Variants in ELAC2 observed in about 807,000 individuals in gnomAD.
The protein encoded by ELAC2 is zinc phosphodiesterase ELAC protein 2.
In ELAC2, 92 loss-of-function variants were observed where a neutral mutation model predicts 105.2. The ratio of observed to expected loss-of-function variants is 0.87; its 90% CI spans 0.74 to 1.04. The LOEUF (loss-of-function observed/expected upper bound fraction) is 1.04, where lower values mean the gene tolerates loss of function less well. Ranked by LOEUF, ELAC2 falls within the 50% of genes least tolerant of loss-of-function variation. ELAC2 has a pLI of 0.00. For synonymous variants in ELAC2, 468 were observed against 409.1 expected (o/e 1.14, Z -1.74); for missense variants, 1,099 against 1,071.7 (o/e 1.03, Z -0.36).
At chr17:13,011,100 G>A (rs938567609) in intron 7 of ELAC2, among the ~76,000 whole-genome samples, 1 of 152,214 alleles carries the variant, frequency 6.6e-6, no homozygotes, top group Non-Finnish European at 1.5e-5. Context: ...GGGTCAGCCT[G>A]TTCTCAGTCA....
intron 11 of ELAC2, 52 bp downstream of exon 11, chr17:13,004,936 TG>T: frequency 7.3e-7 from 1 of 1,375,670 alleles, no homozygotes; most frequent in East Asian, 2.3e-5. Flanking sequence ...CCCATGTCGA[TG>T]CTGGGCTGGG....
chr17:12,994,383 G>T, intron 22 of ELAC2, 42 bp downstream of exon 22: 1 of 1,606,526 alleles, frequency 6.2e-7, no homozygotes. Flanking sequence ...TAGTGGGGGA[G>T]GGAGAGGATG....
At chr17:13,007,459 G>A (rs2041172272) in intron 8 of ELAC2, among the ~76,000 whole-genome samples, 1 of 152,148 alleles carries the variant, frequency 6.6e-6, no homozygotes, top group African/African-American at 2.4e-5. Context: ...GCTTCAGTGT[G>A]CACATCACAC....
At position 13,002,292 on chromosome 17, in the gene ELAC2, G is replaced by C. The variant is rs1285444804; in HGVS notation, c.1286C>G (p.Pro429Arg). 6.2e-7 allele frequency: 1 copy of C among 1,614,060 alleles called. No individual in the cohort carries two copies. Among genetic ancestry groups the C allele is most frequent in the East Asian group, 2.2e-5 (1 of 44,892 alleles). ...GECLLKYQLR[P>R]RREWQRDAII... ...CACAGACCTCTGCCACTCCCTCCTGGGACGGAGCTGGTACTTGAGGAGGCA... is the reference window on the plus strand; with the variant it reads ...CACAGACCTCTGCCACTCCCTCCTGCGACGGAGCTGGTACTTGAGGAGGCA... Residue 429 changes from proline (P) to arginine (R), a missense_variant, in exon 14 of 24, where the codon CCC (proline) becomes CGC (arginine). By Grantham distance (103) the Pro-to-Arg change is moderately radical. Transcript: ENST00000338034.
chr17:13,006,239 A>G lies in ELAC2; in HGVS notation c.739-260T>C, dbSNP rs370960184. On this transcript the variant is annotated intron_variant, in intron 8 of 23. Coordinates refer to ENST00000338034, the MANE Select transcript of ELAC2 (RefSeq NM_018127.7). ...TACAAAATTGGCCAGGCGTGGTGGCACGTGCCTGTAATCCCAGCAACTCAG... is the reference window on the plus strand; with the variant it reads ...TACAAAATTGGCCAGGCGTGGTGGCGCGTGCCTGTAATCCCAGCAACTCAG... 2.7e-3 allele frequency: 1,180 copies of G among 441,250 alleles called. 19 individuals carry two copies. Among genetic ancestry groups the G allele is most frequent in the South Asian group, 0.024 (1,121 of 46,848 alleles). 27.3% of individuals were successfully genotyped at this position (441,250 alleles called of 1,614,324 possible). A position where few individuals can be genotyped will look rare whatever the true frequency, so the allele number is the denominator to read the frequency against.
At chr17:13,005,138 A>G (rs1479206888) in intron 10 of ELAC2, 37 bp from the exon 11 acceptor site, 2 of 1,459,700 alleles carry the variant, frequency 1.4e-6, no homozygotes, top group African/African-American at 2.8e-5. Context: ...TGGGGGTCAC[A>G]GCTCAGCCAC....
intron 8 of ELAC2, among the ~76,000 whole-genome samples, chr17:13,007,073 T>C (rs932636607): frequency 6.7e-6 from 1 of 150,022 alleles, no homozygotes; most frequent in Non-Finnish European, 1.5e-5. Context: ...ATCGTGCCAC[T>C]GCACTCCAGC....
At chr17:13,014,327 A>T in intron 5 of ELAC2, 112 bp downstream of exon 5, 1 of 759,064 alleles carries the variant, frequency 1.3e-6, no homozygotes, top group Non-Finnish European at 2.3e-6. Context: ...CGTGGTGATG[A>T]AGCATTTGAT....
At chr17:13,006,381 T>A (rs9901405) in intron 8 of ELAC2, 178 of 225,568 alleles carry the variant, frequency 7.9e-4, no homozygotes, top group African/African-American at 2.6e-3. Context: ...AAAAAAAAAA[T>A]AAAAAATAAA....
At chr17:13,017,242 A>C in intron 1 of ELAC2, 121 bp from the exon 2 acceptor site, 2 of 1,076,982 alleles carry the variant, frequency 1.9e-6, no homozygotes, top group South Asian at 2.7e-5. Flanking sequence ...TTAAAAGTCC[A>C]CGTTGGACTA....
rs1168520408 is a variant in ELAC2, at chr17:12,992,825, G to A, written c.2474C>T (p.Ala825Val). Residue 825 changes from alanine to valine, a missense_variant, in exon 24 of 24, where the codon GCC becomes GTC. Ala to Val is a moderately conservative substitution (Grantham distance 64). Transcript: ENST00000338034. The part of the protein sequence containing the change: ...TEEPQAKKVR[A>V]Q ...TCAGGGTCTCCCAGATCTTCACTGG[G>A]CTCTGACCTTCTTGGCCTGTGGCTC... is the stretch of plus-strand genomic sequence containing the variant. The A allele has an allele frequency of 6.2e-7, 1 of 1,611,414 alleles. No individual in the cohort carries two copies. The highest frequency in any genetic ancestry group is 2.2e-5 in the East Asian group (1 of 44,848).
At position 12,993,041 on chromosome 17, in the gene ELAC2, C is replaced by G. The variant is rs1463121565; in HGVS notation, c.2258G>C (p.Cys753Ser). The G allele has an allele frequency of 6.2e-7, 1 of 1,602,286 alleles. No individual in the cohort carries two copies. The highest frequency in any genetic ancestry group is 8.5e-7 in the Non-Finnish European group (1 of 1,179,196). ...VGVAFDHMKVCFGDFPTMPKL... is the reference protein window; with the variant it reads ...VGVAFDHMKVSFGDFPTMPKL... Reference sequence around the variant, plus strand: ...GGGCATTGTTGGAAAGTCTCCAAAGCAGACCTAGAAGACACAATAGAAGAC... The same window carrying G: ...GGGCATTGTTGGAAAGTCTCCAAAGGAGACCTAGAAGACACAATAGAAGAC... The change falls in exon 24 of 24, where the codon TGC (cysteine) becomes TCC (serine). Residue 753 changes from cysteine to serine, a missense_variant. Cys to Ser is a moderately radical substitution (Grantham distance 112, BLOSUM62 -1). Coordinates refer to ENST00000338034, the MANE Select transcript of ELAC2 (RefSeq NM_018127.7).
chr17:13,016,551 G>A (rs117393962), intron 3 of ELAC2, among the ~76,000 whole-genome samples: 15,587 of 151,922 alleles, frequency 0.1, 1,018 homozygotes, highest in Non-Finnish European at 0.14. Context: ...CTGGGAGGCC[G>A]AGACAGGAGG....
At chr17:12,996,933 G>C (rs1191451808) in intron 16 of ELAC2, among the ~76,000 whole-genome samples, 4 of 146,548 alleles carry the variant, frequency 2.7e-5, no homozygotes, top group African/African-American at 1.0e-4. Context: ...TTACACAAAG[G>C]CTGGGCATCA....
intron 11 of ELAC2, 165 bp from the exon 12 acceptor site, chr17:13,003,739 C>A (rs1012499194): frequency 1.5e-6 from 1 of 652,350 alleles, no homozygotes; most frequent in Middle Eastern, 3.3e-4. Flanking sequence ...TCACGGCAGA[C>A]CCCGGTGCTG....
chr17:13,003,675 A>T (rs2040950683), intron 11 of ELAC2, 101 bp from the exon 12 acceptor site: 2 of 1,031,736 alleles, frequency 1.9e-6, no homozygotes, highest in Admixed American at 1.9e-5. Context: ...CCTCTGCAGC[A>T]CTGCAGTGAG....
Position 12,994,469 on chromosome 17 carries a change from G to A in ELAC2, c.2064C>T (p.Thr688=), listed in dbSNP as rs138254982. The change falls in exon 22 of 24, where the codon ACC becomes ACT. Residue 688 remains threonine (T), a synonymous_variant. Transcript: ENST00000338034. ...CTTCCTCTTCCAAACCATCTTCCAG[G>A]GTGGCTTCATGTATCAGGAGGGTGG... ...KDATLLIHEA[T]LEDGLEEEAV... The A allele has an allele frequency of 6.2e-7, 1 of 1,614,052 alleles. No individual in the cohort carries two copies. Among genetic ancestry groups the A allele is most frequent in the African/African-American group, 1.3e-5 (1 of 74,900 alleles).
chr17:13,008,924 C>T (rs1038144672), intron 8 of ELAC2, among the ~76,000 whole-genome samples: 1 of 152,158 alleles, frequency 6.6e-6, no homozygotes, highest in African/African-American at 2.4e-5. Context: ...GGAACGGCTG[C>T]CTGATAATAG....
At position 13,005,031 on chromosome 17, in the gene ELAC2, T is replaced by C; in HGVS notation, c.941A>G (p.Glu314Gly). 1 of 1,614,176 alleles carries C rather than the reference T, an allele frequency of 6.2e-7. No individual in the cohort carries two copies. The highest frequency in any genetic ancestry group is 8.5e-7 in the Non-Finnish European group (1 of 1,180,024). Residue 314 changes from glutamate to glycine, a missense_variant, in exon 11 of 24, where the codon GAA becomes GGA. Transcript: ENST00000338034. Reference protein sequence around the residue: ...AAFVVVECPDESFIQPICENA... With the variant: ...AAFVVVECPDGSFIQPICENA... ...CTCACAGATGGGTTGAATGAAGCTTTCATCTGGACATTCTACCACCACAAA... is the reference window on the plus strand; with the variant it reads ...CTCACAGATGGGTTGAATGAAGCTTCCATCTGGACATTCTACCACCACAAA...
Sources: gnomAD v4.1 joint callset for allele counts (sites outside exome capture counted in the v4.1 genomes callset) on GRCh38, gnomAD v4.1.1 for gene constraint, MANE v1.5 for transcripts, NCBI Gene and HGNC (gene_info 2026-07-23, HGNC 2026-07-21) for gene names.